EFL1: variants seen among roughly 807,000 people sequenced by gnomAD.
EFL1 encodes the protein elongation factor like GTPase 1, also known as elongation factor-like GTPase 1.
A neutral mutation model predicts 126.7 loss-of-function variants in EFL1; 76 were observed. That is an observed-to-expected ratio of 0.60 (90% CI 0.50 to 0.73). The LOEUF (loss-of-function observed/expected upper bound fraction) is 0.73, where lower values mean the gene tolerates loss of function less well. Among genes scored for constraint, EFL1 ranks in the 30% least tolerant of loss-of-function variants. The probability of loss-of-function intolerance (pLI) is 0.00; values close to 1 mark genes in which losing one functional copy is unlikely to be tolerated. For synonymous variants in EFL1, 410 were observed against 448.4 expected (o/e 0.91, Z 1.08); for missense variants, 1,128 against 1,343.2 (o/e 0.84, Z 2.50).
At chr15:82,251,153 A>G (rs2075017774) in intron 4 of EFL1, among the ~76,000 whole-genome samples, 1 of 152,190 alleles carries the variant, frequency 6.6e-6, no homozygotes, top group Admixed American at 6.5e-5. Context: ...CAGAGGCTGC[A>G]GTGAGCTGAG....
chr15:82,156,608 T>A (rs1174067590), intron 17 of EFL1, among the ~76,000 whole-genome samples: 1 of 146,242 alleles, frequency 6.8e-6, no homozygotes. Flanking sequence ...TATTCTATTA[T>A]TAGTACCAGG....
chr15:82,211,547 T>TACACACACAC (rs1214996508), intron 15 of EFL1, among the ~76,000 whole-genome samples: 3,065 of 69,722 alleles, frequency 0.044, 244 homozygotes, highest in Non-Finnish European at 0.06. Flanking sequence ...AAAAAATCTA[T>TACACACACAC]ATACACACAC....
intron 18 of EFL1, among the ~76,000 whole-genome samples, 155 bp downstream of exon 18, chr15:82,151,310 C>T (rs892063942): frequency 6.6e-6 from 1 of 152,072 alleles, no homozygotes; most frequent in African/African-American, 2.4e-5. Context: ...ATTGCTTGAG[C>T]CTGGTAGGCA....
At chr15:82,139,560 T>C (rs1006012842) in intron 18 of EFL1, among the ~76,000 whole-genome samples, 1 of 152,168 alleles carries the variant, frequency 6.6e-6, no homozygotes, top group Non-Finnish European at 1.5e-5. Flanking sequence ...CTGACTGGTG[T>C]TCTGTATGAG....
intron 15 of EFL1, among the ~76,000 whole-genome samples, chr15:82,194,172 T>C (rs919491390): frequency 2.6e-5 from 4 of 152,174 alleles, no homozygotes; most frequent in Non-Finnish European, 5.9e-5. Flanking sequence ...GCGGACTGGA[T>C]CTTCAGCCCA....
chr15:82,225,343 A>T, intron 11 of EFL1, 79 bp from the exon 12 acceptor site: 1 of 1,149,520 alleles, frequency 8.7e-7, no homozygotes, highest in Non-Finnish European at 1.2e-6. Flanking sequence ...GAAAACAATT[A>T]AAATGTTTAG....
chr15:82,144,632 A>T (rs1214594845), intron 18 of EFL1, among the ~76,000 whole-genome samples: 1 of 152,226 alleles, frequency 6.6e-6, no homozygotes, highest in East Asian at 1.9e-4. Flanking sequence ...CATGCAGCTC[A>T]TTAAATCTTT....
chr15:82,157,324 T>A (rs936354988), intron 17 of EFL1: 1 of 153,926 alleles, frequency 6.5e-6, no homozygotes, highest in Admixed American at 6.5e-5. Flanking sequence ...AACATAAAGA[T>A]TTCCAGAAGG....
chr15:82,230,912 A>G lies in EFL1; in HGVS notation c.791T>C (p.Met264Thr), dbSNP rs1333524078. 4 of 1,613,436 alleles carry G rather than the reference A, an allele frequency of 2.5e-6. No homozygotes were observed. The highest frequency in any genetic ancestry group is 2.2e-5 in the East Asian group (1 of 44,850). Residue 264 changes from methionine to threonine, a missense_variant, in exon 8 of 20, where the codon ATG (methionine) becomes ACG (threonine). This residue lies in a region of EFL1 where 316 missense variants were observed against 318.5 expected (regional missense o/e 0.99). Transcript: ENST00000268206. The stretch of plus-strand genomic sequence containing the variant: ...ATAGTAATCTCCCCACAAGGTTTTC[A>G]TAAGAACTTCCTTTTTGATGCCAAT... ...QKIGIKKEVL[M>T]KTLWGDYYIN...
intron 11 of EFL1, 131 bp downstream of exon 11, chr15:82,227,319 T>C (rs1681654006): frequency 7.2e-7 from 1 of 1,381,162 alleles, no homozygotes; most frequent in South Asian, 1.3e-5. Context: ...TGTGAAACTG[T>C]TCATCTGTGG....
intron 4 of EFL1, among the ~76,000 whole-genome samples, chr15:82,247,606 T>C (rs370526565): frequency 0.036 from 5,467 of 152,144 alleles, 153 homozygotes; most frequent in Non-Finnish European, 0.049. Flanking sequence ...GGAACATGAA[T>C]GAATGAGTAG....
chr15:82,262,682 T>G lies in EFL1; in HGVS notation c.-88A>C, dbSNP rs544360088. 93 of 569,126 alleles carry G rather than the reference T, an allele frequency of 1.6e-4. 1 individual carries two copies. In the East Asian group the frequency reaches 3.1e-3, roughly 19 times the overall value. 35.3% of individuals were successfully genotyped at this position (569,126 alleles called of 1,614,324 possible). A position where few individuals can be genotyped will look rare whatever the true frequency, so the allele number is the denominator to read the frequency against. On this transcript the variant is annotated 5_prime_UTR_variant, in exon 1 of 20. Transcript: ENST00000268206. ...CACCCACACCGAGAGCTTCCGAAAGTCCGAGAGCTCTGCGGGTCCGACACG... is the reference window on the plus strand; with the variant it reads ...CACCCACACCGAGAGCTTCCGAAAGGCCGAGAGCTCTGCGGGTCCGACACG...
chr15:82,130,279 A>G lies in EFL1; in HGVS notation c.*94T>C. 1 of 1,269,846 alleles carries G rather than the reference A, an allele frequency of 7.9e-7. No individual in the cohort carries two copies. Among genetic ancestry groups the G allele is most frequent in the African/African-American group, 1.5e-5 (1 of 66,644 alleles). 78.7% of individuals were successfully genotyped at this position (1,269,846 alleles called of 1,614,324 possible). On this transcript the variant is annotated 3_prime_UTR_variant, in exon 20 of 20. Coordinates refer to ENST00000268206, the MANE Select transcript of EFL1 (RefSeq NM_024580.6). ...AACTTTATTGAAAGTGAATAAACAG[A>G]GATAATGTGGCAAAAAGAAATTTTC...
chr15:82,197,869 C>T (rs1431070459), intron 15 of EFL1, among the ~76,000 whole-genome samples: 3 of 152,098 alleles, frequency 2.0e-5, no homozygotes, highest in Non-Finnish European at 4.4e-5. Flanking sequence ...AAGTGCCTGC[C>T]TGCCTGCCTA....
chr15:82,248,839 G>T (rs1371430904), intron 4 of EFL1, among the ~76,000 whole-genome samples: 1 of 150,972 alleles, frequency 6.6e-6, no homozygotes, highest in African/African-American at 2.4e-5. Flanking sequence ...CGAAAATCCT[G>T]ATGCCAACTT....
chr15:82,147,455 C>T (rs2141223322), intron 18 of EFL1, among the ~76,000 whole-genome samples: 1 of 151,612 alleles, frequency 6.6e-6, no homozygotes, highest in East Asian at 1.9e-4. Context: ...AATAGCAAAA[C>T]CCCATCTCTA....
intron 19 of EFL1, among the ~76,000 whole-genome samples, chr15:82,131,975 G>T (rs1252518278): frequency 1.3e-5 from 2 of 152,072 alleles, no homozygotes; most frequent in Non-Finnish European, 2.9e-5. Context: ...TATCTAACAG[G>T]AGTTCTAAAA....
At chr15:82,202,667 G>C (rs967498036) in intron 15 of EFL1, among the ~76,000 whole-genome samples, 1 of 152,072 alleles carries the variant, frequency 6.6e-6, no homozygotes, top group Non-Finnish European at 1.5e-5. Flanking sequence ...AGGGCTACAA[G>C]GCTTAAAAGT....
intron 3 of EFL1, among the ~76,000 whole-genome samples, chr15:82,253,329 C>T (rs140903582): frequency 2.2e-4 from 33 of 151,754 alleles, no homozygotes; most frequent in Non-Finnish European, 4.0e-4. Flanking sequence ...CATGAGCTAC[C>T]GCGCCTAGCC....
Sources: allele counts gnomAD v4.1 joint callset (sites outside exome capture counted in the v4.1 genomes callset), GRCh38; gene constraint gnomAD v4.1.1; regional missense constraint gnomAD v4.1.1; transcripts MANE v1.5; gene names NCBI Gene and HGNC (gene_info 2026-07-23, HGNC 2026-07-21).